Variants in RBFOX1 observed in about 807,000 individuals in gnomAD.
RBFOX1 encodes RNA binding protein fox-1 homolog 1.
In RBFOX1, 8 loss-of-function variants were observed where a neutral mutation model predicts 57.7. The observed-to-expected ratio is 0.14, with a 90% CI of 0.08 to 0.25. The LOEUF (loss-of-function observed/expected upper bound fraction) is 0.25, where lower values mean the gene tolerates loss of function less well. RBFOX1 is among the 10% of genes least tolerant of loss of function. The probability of loss-of-function intolerance (pLI) is 1.00; values close to 1 mark genes in which losing one functional copy is unlikely to be tolerated. For missense variants in RBFOX1, 611 were observed against 548.5 expected, an observed-to-expected ratio of 1.11 and a Z score of -1.14; for synonymous variants, 326 against 222.4, an observed-to-expected ratio of 1.47 and a Z score of -4.15.
At chr16:7,559,662 A>G (rs1198143121) in intron 5 of RBFOX1, among the ~76,000 whole-genome samples, 2 of 152,210 alleles carry the variant, frequency 1.3e-5, no homozygotes, top group Admixed American at 6.5e-5. Flanking sequence ...AGGGTAATTA[A>G]GAATGAATTT....
chr16:6,373,850 A>T (rs973442047), intron 2 of RBFOX1, among the ~76,000 whole-genome samples: 5 of 152,212 alleles, frequency 3.3e-5, no homozygotes, highest in African/African-American at 7.2e-5. Flanking sequence ...TTCTGTACTC[A>T]TTGCATTCAG....
intron 4 of RBFOX1, among the ~76,000 whole-genome samples, chr16:7,432,032 C>T (rs927843612): frequency 2.0e-5 from 3 of 152,206 alleles, no homozygotes; most frequent in Non-Finnish European, 4.4e-5. Context: ...ACTTGCTTTC[C>T]TTACACCCAG....
chr16:7,168,941 T>C (rs2152440295), intron 4 of RBFOX1, among the ~76,000 whole-genome samples: 1 of 152,364 alleles, frequency 6.6e-6, no homozygotes, highest in South Asian at 2.1e-4. Context: ...GTTTGTGATG[T>C]CCTTCCTTGG....
At chr16:5,783,714 TA>T in intron 3 of RBFOX1, among the ~76,000 whole-genome samples, 2 of 152,346 alleles carry the variant, frequency 1.3e-5, no homozygotes, top group East Asian at 3.9e-4. Context: ...AATGGTTGTC[TA>T]AAATTCCAGC....
intron 2 of RBFOX1, among the ~76,000 whole-genome samples, chr16:6,605,840 C>T (rs2097917982): frequency 6.6e-6 from 1 of 152,162 alleles, no homozygotes; most frequent in African/African-American, 2.4e-5. Context: ...TGGCTCACTC[C>T]TGTAATCCCA....
chr16:7,581,946 G>A (rs951102509), intron 6 of RBFOX1, among the ~76,000 whole-genome samples: 2 of 151,690 alleles, frequency 1.3e-5, no homozygotes, highest in Non-Finnish European at 2.9e-5. Context: ...CAAATTCCTG[G>A]CCTCAAGCAA....
intron 1 of RBFOX1, among the ~76,000 whole-genome samples, chr16:5,321,691 G>A (rs1014412605): frequency 1.3e-5 from 2 of 152,156 alleles, no homozygotes; most frequent in African/African-American, 4.8e-5. Context: ...GGTGGTGGCC[G>A]TCATGGTCCA....
rs60322908 is a variant in RBFOX1, at chr16:5,828,514, A to G, written c.319-38789A>G. 9.2e-3 allele frequency among the ~76,000 whole-genome samples: 1,398 copies of G among 152,152 alleles called. 24 individuals are homozygous for G. Among genetic ancestry groups the G allele is most frequent in the African/African-American group, 0.031 (1,295 of 41,510 alleles). On this transcript the variant is annotated intron_variant, in intron 3 of 19. Transcript: ENST00000641259. ...ATAGATCAAGACCATCCTGACCAAC[A>G]TGGTGAAACCCCATCTCTACTAAAA...
In RBFOX1 at chr16:7,152,997, G is replaced by C. The variant is rs754983644; in HGVS notation, c.27+100899G>C. Among the ~76,000 whole-genome samples the C allele has an allele frequency of 3.3e-5, 5 of 152,322 alleles. No individual in the cohort carries two copies. In the East Asian group the frequency reaches 7.7e-4, roughly 24 times the overall value. ...AAAACCTATTTATTCTTATGAAAGA[G>C]AGTGTGTTCATTTGTGATTCTAATA... On this transcript the variant is annotated intron_variant, in intron 4 of 15. Transcript: ENST00000550418.
intron 2 of RBFOX1, among the ~76,000 whole-genome samples, chr16:6,378,348 C>A: frequency 6.6e-6 from 1 of 152,338 alleles, no homozygotes. Context: ...CCAGACCCTG[C>A]GATCCTGGTG....
chr16:6,267,600 G>C (rs1417039052), intron 1 of RBFOX1, among the ~76,000 whole-genome samples: 1 of 152,202 alleles, frequency 6.6e-6, no homozygotes, highest in Admixed American at 6.5e-5. Flanking sequence ...AAGTTTTTCT[G>C]AAGGTATGGG....
chr16:5,322,333 G>A (rs975038274), intron 1 of RBFOX1, among the ~76,000 whole-genome samples: 1 of 152,142 alleles, frequency 6.6e-6, no homozygotes, highest in Admixed American at 6.5e-5. Flanking sequence ...CCTGCTCCTG[G>A]GGCTGGGGGA....
Position 7,149,367 on chromosome 16 carries a change from A to G in RBFOX1, c.27+97269A>G, listed in dbSNP as rs529571534. On this transcript the variant is annotated intron_variant, in intron 4 of 15. Coordinates refer to ENST00000550418, the MANE Select transcript of RBFOX1 (RefSeq NM_018723.4). ...TTTATCTCTCAATAATCATAAAAGT[A>G]CATCCATTGATCCCCCACTCCATTC... Among the ~76,000 whole-genome samples the G allele has an allele frequency of 2.0e-5, 3 of 152,202 alleles. No homozygotes were observed. In the East Asian group the frequency reaches 5.8e-4, roughly 29 times the overall value.
intron 2 of RBFOX1, among the ~76,000 whole-genome samples, chr16:6,452,324 T>TCCCTTCCTTCCATGGCTCCATCCATGGC (rs1227216373): frequency 7.4e-6 from 1 of 135,912 alleles, no homozygotes; most frequent in Non-Finnish European, 1.6e-5. Flanking sequence ...CTATCCATGG[T>TCCCTTCCTTCCATGGCTCCATCCATGGC]CCCTTCCTTC....
At chr16:6,303,916 A>G (rs889139314) in intron 1 of RBFOX1, among the ~76,000 whole-genome samples, 2 of 140,994 alleles carry the variant, frequency 1.4e-5, no homozygotes, top group African/African-American at 5.3e-5. Flanking sequence ...GGTTCAAGTG[A>G]TTCTCTTGCC....
intron 3 of RBFOX1, among the ~76,000 whole-genome samples, chr16:6,965,261 A>C (rs914610585): frequency 1.3e-5 from 2 of 151,846 alleles, no homozygotes; most frequent in Non-Finnish European, 2.9e-5. Context: ...AAAAATGGAG[A>C]ATTCAGGACT....
chr16:5,442,523 T>C (rs1466725354), intron 1 of RBFOX1, among the ~76,000 whole-genome samples: 1 of 152,088 alleles, frequency 6.6e-6, no homozygotes, highest in African/African-American at 2.4e-5. Context: ...AGGATGATAA[T>C]GTCGTAAAGT....
chr16:6,621,070 C>G (rs1367384487), intron 2 of RBFOX1, among the ~76,000 whole-genome samples: 1 of 152,176 alleles, frequency 6.6e-6, no homozygotes, highest in African/African-American at 2.4e-5. Context: ...CAATCCTTGG[C>G]TTATAGCCAC....
chr16:6,663,159 A>T (rs1295194462), intron 3 of RBFOX1, among the ~76,000 whole-genome samples: 2 of 152,110 alleles, frequency 1.3e-5, no homozygotes, highest in Non-Finnish European at 2.9e-5. Flanking sequence ...CATGTAGGAG[A>T]TGGGGAGGAG....
Sources: gnomAD v4.1 joint callset for allele counts (sites outside exome capture counted in the v4.1 genomes callset) on GRCh38, gnomAD v4.1.1 for gene constraint, MANE v1.5 for transcripts, NCBI Gene and HGNC (gene_info 2026-07-23, HGNC 2026-07-21) for gene names.